TRAPPC9: variants seen among roughly 807,000 people sequenced by gnomAD.
The protein encoded by TRAPPC9 is IKK2 binding protein.
In TRAPPC9, 83 loss-of-function variants were observed where a neutral mutation model predicts 124.0. The observed-to-expected ratio is 0.67, with a 90% CI of 0.56 to 0.80. The LOEUF is 0.80. Among genes scored for constraint, TRAPPC9 ranks in the 30% least tolerant of loss-of-function variants. The probability of loss-of-function intolerance (pLI) is 0.00; values close to 1 mark genes in which losing one functional copy is unlikely to be tolerated. For missense variants in TRAPPC9, 1,302 were observed against 1,508.3 expected, an observed-to-expected ratio of 0.86 and a Z score of 2.27; for synonymous variants, 638 against 617.5, an observed-to-expected ratio of 1.03 and a Z score of -0.49.
chr8:139,981,678 A>G (rs1406066927), intron 19 of TRAPPC9, among the ~76,000 whole-genome samples: 1 of 152,254 alleles, frequency 6.6e-6, no homozygotes, highest in Admixed American at 6.5e-5. Flanking sequence ...GATAAACAGG[A>G]AAGTGCAGCA....
chr8:140,319,379 G>A (rs899889629), intron 9 of TRAPPC9, among the ~76,000 whole-genome samples: 3 of 151,954 alleles, frequency 2.0e-5, no homozygotes, highest in South Asian at 4.2e-4. Context: ...GGGTTTCACC[G>A]TGTTAGCCAG....
intron 19 of TRAPPC9, among the ~76,000 whole-genome samples, chr8:139,965,755 G>A (rs1554596796): frequency 2.6e-5 from 4 of 152,382 alleles, no homozygotes; most frequent in East Asian, 1.9e-4. Flanking sequence ...AAGCAGAGAC[G>A]CATCACACGG....
chr8:140,407,044 A>G (rs1020902353), intron 5 of TRAPPC9, among the ~76,000 whole-genome samples: 3 of 152,244 alleles, frequency 2.0e-5, no homozygotes, highest in Admixed American at 2.0e-4. Context: ...GGCAAAAGCG[A>G]CATTTTTTCA....
intron 21 of TRAPPC9, among the ~76,000 whole-genome samples, chr8:139,810,977 G>A (rs1053012480): frequency 6.6e-6 from 1 of 152,118 alleles, no homozygotes; most frequent in Non-Finnish European, 1.5e-5. Flanking sequence ...TAGGAACAAA[G>A]GCCAAAGGGC....
At chr8:140,200,866 C>T (rs546121636) in intron 17 of TRAPPC9, among the ~76,000 whole-genome samples, 1 of 152,284 alleles carries the variant, frequency 6.6e-6, no homozygotes, top group South Asian at 2.1e-4. Flanking sequence ...CAAATGTACC[C>T]TAGTAATGTA....
intron 21 of TRAPPC9, among the ~76,000 whole-genome samples, chr8:139,830,790 G>C (rs1304277827): frequency 2.0e-5 from 3 of 152,228 alleles, no homozygotes; most frequent in Admixed American, 6.5e-5. Context: ...TGCTGCACCA[G>C]GGAGCCCGGA....
intron 17 of TRAPPC9, among the ~76,000 whole-genome samples, chr8:140,161,827 G>A (rs1358258495): frequency 6.6e-6 from 1 of 152,084 alleles, no homozygotes; most frequent in Middle Eastern, 3.2e-3. Context: ...GAGAAAGGCA[G>A]AAAGGGCAAG....
chr8:140,186,649 T>C (rs1587880283), intron 17 of TRAPPC9, among the ~76,000 whole-genome samples: 1 of 152,338 alleles, frequency 6.6e-6, no homozygotes, highest in South Asian at 2.1e-4. Flanking sequence ...AAGTATCCTT[T>C]TCTTCTTCAC....
intron 19 of TRAPPC9, among the ~76,000 whole-genome samples, chr8:139,987,097 T>G (rs908977421): frequency 6.6e-6 from 1 of 152,204 alleles, no homozygotes; most frequent in Non-Finnish European, 1.5e-5. Flanking sequence ...GTATGAGTAA[T>G]TCATTCGTTT....
chr8:140,386,754 T>C (rs972879994), intron 7 of TRAPPC9, among the ~76,000 whole-genome samples: 1 of 152,160 alleles, frequency 6.6e-6, no homozygotes, highest in Admixed American at 6.5e-5. Context: ...AGGTAATTTA[T>C]AGATTCAATG....
chr8:139,957,046 C>T (rs533748232), intron 19 of TRAPPC9, among the ~76,000 whole-genome samples: 1 of 152,378 alleles, frequency 6.6e-6, no homozygotes, highest in African/African-American at 2.4e-5. Flanking sequence ...GCATTCCACA[C>T]AGAGCGGGCC....
chr8:139,878,173 T>C (rs1209045500), intron 21 of TRAPPC9, among the ~76,000 whole-genome samples: 1 of 152,254 alleles, frequency 6.6e-6, no homozygotes, highest in Non-Finnish European at 1.5e-5. Context: ...ATTCATTTGA[T>C]AAAGTATAGT....
At chr8:139,760,213 G>A (rs1384643288) in intron 21 of TRAPPC9, among the ~76,000 whole-genome samples, 1 of 152,118 alleles carries the variant, frequency 6.6e-6, no homozygotes, top group Non-Finnish European at 1.5e-5. Context: ...GGGTGGACGT[G>A]GACCCTTCGC....
chr8:139,925,761 AAAAG>A (rs1380511755), intron 19 of TRAPPC9, among the ~76,000 whole-genome samples: 1 of 151,860 alleles, frequency 6.6e-6, no homozygotes, highest in Non-Finnish European at 1.5e-5. Flanking sequence ...AAAAAAAAAA[AAAAG>A]AAAGCCTCAG....
intron 19 of TRAPPC9, among the ~76,000 whole-genome samples, chr8:139,979,038 T>C (rs4736123): frequency 0.47 from 71,571 of 151,652 alleles, 17,051 homozygotes; most frequent in South Asian, 0.58. Context: ...GAAGAGTTCT[T>C]GCCCGCAGAC....
At chr8:140,267,548 C>T (rs1455362016) in intron 15 of TRAPPC9, among the ~76,000 whole-genome samples, 1 of 152,184 alleles carries the variant, frequency 6.6e-6, no homozygotes, top group Admixed American at 6.5e-5. Flanking sequence ...ACCGCCCACC[C>T]AAAAAGACCT....
intron 21 of TRAPPC9, among the ~76,000 whole-genome samples, chr8:139,815,461 C>T (rs1478927182): frequency 6.6e-6 from 1 of 151,560 alleles, no homozygotes; most frequent in African/African-American, 2.4e-5. Context: ...GATCTCAGCT[C>T]ACTGCAACTT....
chr8:140,382,387 T>A (rs973778328), intron 7 of TRAPPC9, among the ~76,000 whole-genome samples: 4 of 152,220 alleles, frequency 2.6e-5, no homozygotes, highest in Non-Finnish European at 5.9e-5. Context: ...TTCCCTTTCC[T>A]AGCCAAGCAA....
At chr8:140,112,932 C>T (rs935795005) in intron 17 of TRAPPC9, among the ~76,000 whole-genome samples, 1 of 151,420 alleles carries the variant, frequency 6.6e-6, no homozygotes, top group Non-Finnish European at 1.5e-5. Context: ...CCTCCGCCTC[C>T]TGGTTCAAGG....
Sources: gnomAD v4.1 joint callset for allele counts (sites outside exome capture counted in the v4.1 genomes callset) on GRCh38, gnomAD v4.1.1 for gene constraint, MANE v1.5 for transcripts, NCBI Gene and HGNC (gene_info 2026-07-23, HGNC 2026-07-21) for gene names.